Variants in MAGI2 observed in about 807,000 individuals in gnomAD.
The protein encoded by MAGI2 is membrane-associated guanylate kinase, WW and PDZ domain-containing protein 2.
In MAGI2, 35 loss-of-function variants were observed where a neutral mutation model predicts 133.3. The ratio of observed to expected loss-of-function variants is 0.26; its 90% CI spans 0.20 to 0.35. The LOEUF (loss-of-function observed/expected upper bound fraction) is 0.35, where lower values mean the gene tolerates loss of function less well. Among genes scored for constraint, MAGI2 ranks in the 10% least tolerant of loss-of-function variants. The probability of loss-of-function intolerance (pLI) is 1.00; values close to 1 mark genes in which losing one functional copy is unlikely to be tolerated. For synonymous variants in MAGI2, 729 were observed against 710.6 expected, an observed-to-expected ratio of 1.03 and a Z score of -0.41; for missense variants, 1,636 against 1,863.4, an observed-to-expected ratio of 0.88 and a Z score of 2.25.
chr7:79,255,262 T>C (rs1833600950), intron 1 of MAGI2, among the ~76,000 whole-genome samples: 1 of 152,216 alleles, frequency 6.6e-6, no homozygotes, highest in Non-Finnish European at 1.5e-5. Flanking sequence ...TAAGTGGGAT[T>C]GTTCTAATGT....
At chr7:78,860,440 T>A (rs1163321575) in intron 2 of MAGI2, among the ~76,000 whole-genome samples, 2 of 152,230 alleles carry the variant, frequency 1.3e-5, no homozygotes, top group African/African-American at 4.8e-5. Flanking sequence ...ATGTCCTTTC[T>A]GTTTGTTAGT....
intron 2 of MAGI2, among the ~76,000 whole-genome samples, chr7:78,798,482 C>T (rs1787797067): frequency 6.6e-6 from 1 of 152,162 alleles, no homozygotes; most frequent in Non-Finnish European, 1.5e-5. Context: ...CCCATGGTCT[C>T]TCCTTAGGAA....
chr7:78,642,732 TG>T (rs781123636), intron 2 of MAGI2, among the ~76,000 whole-genome samples: 1 of 152,220 alleles, frequency 6.6e-6, no homozygotes, highest in Non-Finnish European at 1.5e-5. Flanking sequence ...GCTTTTTGCA[TG>T]CATTATCTCT....
intron 2 of MAGI2, among the ~76,000 whole-genome samples, chr7:78,756,824 C>T (rs1823992426): frequency 6.6e-6 from 1 of 152,088 alleles, no homozygotes; most frequent in African/African-American, 2.4e-5. Context: ...ACGTATTCAC[C>T]TTTATTTTTT....
At chr7:79,236,225 G>A (rs1167687406) in intron 1 of MAGI2, among the ~76,000 whole-genome samples, 5 of 152,152 alleles carry the variant, frequency 3.3e-5, no homozygotes, top group East Asian at 3.9e-4. Flanking sequence ...CTGTATTAAA[G>A]CAATAGGTTA....
intron 2 of MAGI2, among the ~76,000 whole-genome samples, chr7:78,802,487 T>G (rs1025163132): frequency 1.3e-5 from 2 of 152,156 alleles, no homozygotes; most frequent in Non-Finnish European, 2.9e-5. Flanking sequence ...CCAAGACCTC[T>G]CATCACGCAC....
intron 9 of MAGI2, among the ~76,000 whole-genome samples, chr7:78,285,399 TGTGA>T (rs1168779082): frequency 2.0e-5 from 3 of 152,182 alleles, no homozygotes; most frequent in African/African-American, 7.2e-5. Context: ...GCTTCCTATT[TGTGA>T]GTAATTTTGC....
intron 3 of MAGI2, among the ~76,000 whole-genome samples, chr7:78,587,353 G>C (rs1377743187): frequency 6.6e-6 from 1 of 152,036 alleles, no homozygotes; most frequent in Non-Finnish European, 1.5e-5. Context: ...GAGGAGTGAG[G>C]GGAAGCTACC....
chr7:78,534,962 G>A (rs939727227), intron 3 of MAGI2, among the ~76,000 whole-genome samples: 9 of 152,128 alleles, frequency 5.9e-5, no homozygotes, highest in Admixed American at 3.3e-4. Flanking sequence ...GTGAAACCCC[G>A]TCTCTACTAA....
At chr7:78,404,451 G>C (rs568297562) in intron 6 of MAGI2, among the ~76,000 whole-genome samples, 1 of 152,108 alleles carries the variant, frequency 6.6e-6, no homozygotes, top group Non-Finnish European at 1.5e-5. Context: ...AAACAGCGTG[G>C]TACTGGTACC....
At chr7:78,038,595 C>T (rs1810485018) in intron 21 of MAGI2, among the ~76,000 whole-genome samples, 1 of 152,166 alleles carries the variant, frequency 6.6e-6, no homozygotes, top group South Asian at 2.1e-4. Context: ...CCTAGACCCA[C>T]TGAATCTGAA....
intron 3 of MAGI2, among the ~76,000 whole-genome samples, chr7:78,559,166 AAGCC>A (rs1384279495): frequency 1.4e-5 from 1 of 72,636 alleles, no homozygotes. Context: ...AAAAAAAAAA[AAGCC>A]AAAAAGAAAA....
At chr7:78,908,690 G>A (rs1798159614) in intron 2 of MAGI2, among the ~76,000 whole-genome samples, 1 of 152,278 alleles carries the variant, frequency 6.6e-6, no homozygotes, top group East Asian at 1.9e-4. Flanking sequence ...ATTCCAAGAA[G>A]CAATTTCATC....
chr7:79,101,161 G>A (rs1817937270), intron 1 of MAGI2, among the ~76,000 whole-genome samples: 1 of 151,602 alleles, frequency 6.6e-6, no homozygotes, highest in Non-Finnish European at 1.5e-5. Flanking sequence ...ATGAATATAA[G>A]TAAAATAAAA....
chr7:78,328,430 A>G (rs1394534516), intron 9 of MAGI2, among the ~76,000 whole-genome samples: 7 of 150,690 alleles, frequency 4.6e-5, no homozygotes, highest in Non-Finnish European at 1.0e-4. Context: ...ATGCCAGAAA[A>G]TCCTGGCATC....
At chr7:78,994,313 T>A (rs1040481088) in intron 2 of MAGI2, among the ~76,000 whole-genome samples, 1 of 152,094 alleles carries the variant, frequency 6.6e-6, no homozygotes, top group Non-Finnish European at 1.5e-5. Context: ...TACCTCCAGA[T>A]GAGAATGAGA....
intron 2 of MAGI2, among the ~76,000 whole-genome samples, chr7:78,718,013 A>AT (rs1346908404): frequency 6.6e-5 from 10 of 152,080 alleles, no homozygotes; most frequent in Non-Finnish European, 1.0e-4. Flanking sequence ...GTCATTCTGC[A>AT]TTTTTTTCAC....
chr7:78,742,573 T>C (rs1822536137), intron 2 of MAGI2, among the ~76,000 whole-genome samples: 1 of 152,222 alleles, frequency 6.6e-6, no homozygotes, highest in South Asian at 2.1e-4. Context: ...TAAGATCCCA[T>C]GCCATCTTTG....
intron 20 of MAGI2, among the ~76,000 whole-genome samples, chr7:78,089,072 C>G (rs778993514): frequency 7.2e-5 from 11 of 152,178 alleles, no homozygotes; most frequent in Non-Finnish European, 1.6e-4. Flanking sequence ...GTTCCTACCC[C>G]AGAGTCTCCA....
Sources: gnomAD v4.1 joint callset for allele counts (sites outside exome capture counted in the v4.1 genomes callset) on GRCh38, gnomAD v4.1.1 for gene constraint, MANE v1.5 for transcripts, NCBI Gene and HGNC (gene_info 2026-07-23, HGNC 2026-07-21) for gene names.